Variants in SPEG observed in about 807,000 individuals in gnomAD.
SPEG encodes striated muscle preferentially expressed protein kinase.
In SPEG, 114 loss-of-function variants were observed where a neutral mutation model predicts 300.4. The ratio of observed to expected loss-of-function variants is 0.38; its 90% confidence interval spans 0.33 to 0.44. The LOEUF is 0.44. Among genes scored for constraint, SPEG ranks in the 20% least tolerant of loss-of-function variants. SPEG has a pLI of 1.00. For missense variants in SPEG, 4,201 were observed against 4,586.2 expected (o/e 0.92, Z 2.43); for synonymous variants, 1,964 against 2,018.9 (o/e 0.97, Z 0.73).
chr2:219,440,847 C>A (rs1221318736), intron 1 of SPEG, among the ~76,000 whole-genome samples: 2 of 152,180 alleles, frequency 1.3e-5, no homozygotes, highest in East Asian at 3.9e-4. Context: ...CTGGTACATA[C>A]CAAACACGCA....
rs1012052389 is a variant in SPEG at position 219,443,931 on chromosome 2, A to T, written c.389-722A>T. 7.7e-6 allele frequency: 8 copies of T among 1,035,266 alleles called. No individual in the cohort carries two copies. Among genetic ancestry groups the T allele is most frequent in the Non-Finnish European group, 1.1e-5 (8 of 739,850 alleles). 64.1% of individuals were successfully genotyped at this position (1,035,266 alleles called of 1,614,324 possible). ...GACACCTCTGGGGACTGGGTGCCTC[A>T]CGCCCCTTCTGTCTTGACTGCCCTC... On this transcript the variant is annotated intron_variant, in intron 1 of 40. Transcript: ENST00000312358. The surrounding 1 kb of genome is among the most constrained non-coding windows in gnomAD (Gnocchi z 4.6).
Position 219,480,643 on chromosome 2 carries a change from CT to C in SPEG, c.5343-26del. 2 of 1,613,650 alleles carry C rather than the reference CT, an allele frequency of 1.2e-6. No individual in the cohort carries two copies. Among genetic ancestry groups the C allele is most frequent in the Non-Finnish European group, 1.7e-6 (2 of 1,179,616 alleles). ...CTTCCAGTCAGAGAGGGGCGGTCCT[CT>C]TACCTATCACTCTCCTTTTCCCACA... On this transcript the variant is annotated intron_variant, in intron 25 of 40. Coordinates refer to ENST00000312358, the MANE Select transcript of SPEG (RefSeq NM_005876.5). The surrounding 1 kb of genome is among the most constrained non-coding windows in gnomAD (Gnocchi z 5.3).
intron 4 of SPEG, chr2:219,450,851 G>C (rs1160782225): frequency 1.2e-5 from 4 of 327,438 alleles, no homozygotes; most frequent in Admixed American, 4.6e-5. Flanking sequence ...GTGCAGTCCT[G>C]TCTTTCTCCA....
At position 219,467,494 on chromosome 2, in the gene SPEG, TG is replaced by T; in HGVS notation, c.3142+65del. The T allele has an allele frequency of 3.2e-6, 5 of 1,547,004 alleles. 1 individual carries two copies. The highest frequency in any genetic ancestry group is 2.4e-5 in the South Asian group (2 of 83,122). Reference sequence around the variant, plus strand: ...TGCCCAAGAGCTGGAGGGAGGGGACTGGGGGTGTACAGTAAGATGCCTGGGA... The same window carrying T: ...TGCCCAAGAGCTGGAGGGAGGGGACTGGGGTGTACAGTAAGATGCCTGGGA... On this transcript the variant is annotated intron_variant, in intron 10 of 40. Coordinates refer to ENST00000312358, the MANE Select transcript of SPEG (RefSeq NM_005876.5).
At chr2:219,456,673 GC>G (rs1690205718) in intron 6 of SPEG, among the ~76,000 whole-genome samples, 1 of 152,192 alleles carries the variant, frequency 6.6e-6, no homozygotes, top group African/African-American at 2.4e-5. Flanking sequence ...ACTTTGGGAG[GC>G]CAAGCAGGGT....
rs1954671797 is a variant in SPEG, at chr2:219,434,888, C to T, written c.-90C>T. 7.0e-6 allele frequency: 6 copies of T among 857,054 alleles called. No individual in the cohort carries two copies. Among genetic ancestry groups the T allele is most frequent in the East Asian group, 6.6e-5 (2 of 30,212 alleles). The allele number at this position is 857,054 out of a possible 1,614,324, so 53.1% of individuals were successfully genotyped here. On this transcript the variant is annotated 5_prime_UTR_variant, in exon 1 of 41. Transcript: ENST00000312358. ...GGGCAGCAGGAAGGCAGGCCGCCGG[C>T]CCCCCAGACTTGTCTCCTAGGGCAC... is the stretch of plus-strand genomic sequence containing the variant.
At chr2:219,460,860 GCAGGCTGGA>G in intron 6 of SPEG, 1 of 986,330 alleles carries the variant, frequency 1.0e-6, no homozygotes, top group Non-Finnish European at 1.2e-6. Context: ...GTGGGGCTGG[GCAGGCTGGA>G]CAGGCTGGGC....
rs773590986 is a variant in SPEG, at chr2:219,484,359, G to A, written c.6896G>A (p.Gly2299Asp). ...GAGAAGCGCGTGCCCTCAGCCGGGG[G>A]TCCCCCGGTGCTAGCCGAGAAAGCC... ...APEKRVPSAG[G>D]PPVLAEKARV... The change falls in exon 30 of 41, where the codon GGT becomes GAT. Residue 2299 changes from glycine (G) to aspartate (D), a missense_variant. Coordinates refer to ENST00000312358, the MANE Select transcript of SPEG (RefSeq NM_005876.5). 5 of 1,606,920 alleles carry A rather than the reference G, an allele frequency of 3.1e-6. No homozygotes were observed. The highest frequency in any genetic ancestry group is 4.2e-6 in the Non-Finnish European group (5 of 1,179,208).
chr2:219,439,894 G>C lies in SPEG; in HGVS notation c.388+4529G>C, dbSNP rs142522694. On this transcript the variant is annotated intron_variant, in intron 1 of 40. Coordinates refer to ENST00000312358, the MANE Select transcript of SPEG (RefSeq NM_005876.5). The surrounding 1 kb of genome is among the most constrained non-coding windows in gnomAD (Gnocchi z 4.5). ...CACTCAGCTCCCCATCTGTGAGTGG[G>C]TGTGTTTAGGGGTGTACATGGAAAG... 2.0e-5 allele frequency among the ~76,000 whole-genome samples: 3 copies of C among 152,224 alleles called. No homozygotes were observed. Among genetic ancestry groups the C allele is most frequent in the African/African-American group, 7.2e-5 (3 of 41,454 alleles).
intron 40 of SPEG, 121 bp downstream of exon 40, chr2:219,492,381 C>A: frequency 2.5e-6 from 3 of 1,221,528 alleles, no homozygotes; most frequent in South Asian, 1.4e-5. Flanking sequence ...ACTAAATGGT[C>A]ATACTACCCA....
At chr2:219,474,666 G>T (rs1692183036) in intron 18 of SPEG, among the ~76,000 whole-genome samples, 1 of 152,152 alleles carries the variant, frequency 6.6e-6, no homozygotes, top group South Asian at 2.1e-4. Flanking sequence ...AACATGGGAA[G>T]ACCAAGTTGG....
intron 1 of SPEG, among the ~76,000 whole-genome samples, chr2:219,436,644 A>T (rs935129622): frequency 2.0e-5 from 3 of 152,138 alleles, no homozygotes; most frequent in Admixed American, 2.0e-4. Flanking sequence ...GCCTCCCTCC[A>T]TCGGCATCTC....
In SPEG at chr2:219,468,624, A is replaced by C; in HGVS notation, c.3189A>C (p.Ala1063=). ...GGCTGACCGTGCGGCCCTCGTTGGC[A>C]CCCCTGTTCACACGGCTGCTGGAAG... The part of the protein sequence containing the change: ...SARLTVRPSL[A]PLFTRLLEDV... Residue 1063 remains alanine (A), a synonymous_variant, in exon 11 of 41, where the codon GCA becomes GCC. Coordinates refer to ENST00000312358, the MANE Select transcript of SPEG (RefSeq NM_005876.5). 1.9e-6 allele frequency: 3 copies of C among 1,613,826 alleles called. No individual in the cohort carries two copies. The highest frequency in any genetic ancestry group is 2.5e-6 in the Non-Finnish European group (3 of 1,179,978).
At position 219,445,214 on chromosome 2, in the gene SPEG, T is replaced by A; in HGVS notation, c.815+53T>A. 1 of 1,484,326 alleles carries A rather than the reference T, an allele frequency of 6.7e-7. No individual in the cohort carries two copies. The highest frequency in any genetic ancestry group is 9.2e-7 in the Non-Finnish European group (1 of 1,087,670). 91.9% of individuals were successfully genotyped at this position (1,484,326 alleles called of 1,614,324 possible). A position where few individuals can be genotyped will look rare whatever the true frequency, so the allele number is the denominator to read the frequency against. ...ACTGCCCCATCTCACCACGCTGTCC[T>A]GCGCTGCCCTCACTGCTCAGTCAGC... On this transcript the variant is annotated intron_variant, in intron 3 of 40. Transcript: ENST00000312358. The surrounding 1 kb of genome is among the most constrained non-coding windows in gnomAD (Gnocchi z 6.1).
chr2:219,452,582 A>G (rs1689848202), intron 6 of SPEG, among the ~76,000 whole-genome samples: 1 of 151,904 alleles, frequency 6.6e-6, no homozygotes. Flanking sequence ...GGGGGTTCCC[A>G]CTGGGTGACC....
At position 219,484,089 on chromosome 2, in the gene SPEG, A is replaced by G; in HGVS notation, c.6626A>G (p.Gln2209Arg). 1.2e-6 allele frequency: 2 copies of G among 1,613,020 alleles called. No homozygotes were observed. The highest frequency in any genetic ancestry group is 1.7e-6 in the Non-Finnish European group (2 of 1,179,804). Reference sequence around the variant, plus strand: ...GATGCTCCGCAGCCCCCCGCACCCCAGCCTGCCCAAGACAAGGCTCCAGAG... The same window carrying G: ...GATGCTCCGCAGCCCCCCGCACCCCGGCCTGCCCAAGACAAGGCTCCAGAG... ...PSDAPQPPAPQPAQDKAPEPR... is the reference protein window; with the variant it reads ...PSDAPQPPAPRPAQDKAPEPR... Residue 2209 changes from glutamine to arginine, a missense_variant, in exon 30 of 41, where the codon CAG becomes CGG. Transcript: ENST00000312358.
In SPEG at chr2:219,435,335, GA is replaced by G; in HGVS notation, c.359del (p.Glu120GlyfsTer58). On this transcript the variant is annotated frameshift_variant, in exon 1 of 41. Transcript: ENST00000312358. LOFTEE classifies it high-confidence loss of function. ...GAACGAGCGGGGCCGGGCCTCCTGC[GA>G]GGCGGTGCTCACAGTGCTGGAGGTC... ...AQNERGRASCEAVLTVLEVGD... is the reference protein window; with the variant it reads ...AQNERGRASCXAVLTVLEVGD... 6.5e-7 allele frequency: 1 copy of G among 1,538,754 alleles called. No individual in the cohort carries two copies. The highest frequency in any genetic ancestry group is 8.7e-7 in the Non-Finnish European group (1 of 1,149,828).
At chr2:219,465,976 T>A in intron 9 of SPEG, 1 of 1,231,982 alleles carries the variant, frequency 8.1e-7, no homozygotes, top group Non-Finnish European at 1.2e-6. Flanking sequence ...TGCGTGTGTG[T>A]GCATGTGTGT....
Position 219,490,779 on chromosome 2 carries a change from C to T in SPEG, c.9208C>T (p.Leu3070=). The change falls in exon 38 of 41, where the codon CTA becomes TTA. Residue 3070 remains leucine (L), a synonymous_variant. Transcript: ENST00000312358. ...CGTGGCCACTTACATGGTGCAGCTG[C>T]TACAAGGCCTGGACTACCTCCACGG... ...DDVATYMVQL[L]QGLDYLHGHH... The T allele has an allele frequency of 6.2e-7, 1 of 1,614,140 alleles. No individual in the cohort carries two copies. The highest frequency in any genetic ancestry group is 8.5e-7 in the Non-Finnish European group (1 of 1,180,032).
Sources: gnomAD v4.1 joint callset for allele counts (sites outside exome capture counted in the v4.1 genomes callset) on GRCh38, gnomAD v4.1.1 for gene constraint, Gnocchi (gnomAD v3.1) non-coding constraint, MANE v1.5 for transcripts, NCBI Gene and HGNC (gene_info 2026-07-23, HGNC 2026-07-21) for gene names.